UTS2: variants seen among roughly 807,000 people sequenced by gnomAD.
UTS2 encodes urotensin-2.
UTS2 carries 10 observed loss-of-function variants against 12.6 expected under a neutral mutation model. The observed-to-expected ratio is 0.80, with a 90% confidence interval of 0.49 to 1.35. The LOEUF is 1.35. Ranked by LOEUF, UTS2 falls within the 40% of genes most tolerant of loss-of-function variation. The pLI is 0.00. For synonymous variants in UTS2, 52 were observed against 50.0 expected (o/e 1.04, Z -0.17); for missense variants, 142 against 143.2 (o/e 0.99, Z 0.04).
chr1:7,872,352 A>G, the UTS2 span, among the ~76,000 whole-genome samples: 2 of 149,726 alleles, frequency 1.3e-5, no homozygotes, highest in African/African-American at 4.9e-5. Context: ...GAAAAAAAAG[A>G]AAAAGAAATG....
At chr1:7,878,100 T>C in the UTS2 span, among the ~76,000 whole-genome samples, 1 of 152,176 alleles carries the variant, frequency 6.6e-6, no homozygotes, top group Admixed American at 6.5e-5. Flanking sequence ...CAGCAGGCCT[T>C]ACAGGCCAGG....
the UTS2 span, among the ~76,000 whole-genome samples, chr1:7,892,469 G>GTTT: frequency 9.6e-3 from 743 of 77,768 alleles, 12 homozygotes; most frequent in Non-Finnish European, 0.011. Context: ...CCTCATGCAT[G>GTTT]TTTTTTTTTT....
the UTS2 span, among the ~76,000 whole-genome samples, chr1:7,882,515 T>C: frequency 1.3e-5 from 2 of 152,204 alleles, no homozygotes; most frequent in Non-Finnish European, 2.9e-5. Flanking sequence ...GCAGATTTTA[T>C]GGCTAAGACC....
chr1:7,860,942 T>C, the UTS2 span, among the ~76,000 whole-genome samples: 3 of 150,000 alleles, frequency 2.0e-5, no homozygotes, highest in Non-Finnish European at 4.4e-5. Context: ...CTCGGGAGGC[T>C]GAGGTATGAG....
the UTS2 span, among the ~76,000 whole-genome samples, chr1:7,885,797 G>A: frequency 1.3e-5 from 2 of 151,500 alleles, no homozygotes; most frequent in Admixed American, 6.6e-5. Context: ...CTAGGACGAT[G>A]TGGGGCAGAG....
At chr1:7,891,831 T>G in the UTS2 span, among the ~76,000 whole-genome samples, 1 of 152,242 alleles carries the variant, frequency 6.6e-6, no homozygotes, top group Non-Finnish European at 1.5e-5. Context: ...GTTTCATTTA[T>G]GTAAACTCTA....
At chr1:7,868,557 A>G in the UTS2 span, among the ~76,000 whole-genome samples, 3 of 152,096 alleles carry the variant, frequency 2.0e-5, no homozygotes, top group Non-Finnish European at 4.4e-5. Flanking sequence ...AGCAGACACA[A>G]CCACCACAGT....
the UTS2 span, among the ~76,000 whole-genome samples, chr1:7,890,864 C>T: frequency 7.2e-6 from 1 of 138,940 alleles, no homozygotes; most frequent in African/African-American, 2.8e-5. Context: ...AAAAAAAAAC[C>T]TAACCACTCT....
chr1:7,890,989 A>G, the UTS2 span, among the ~76,000 whole-genome samples: 1 of 145,196 alleles, frequency 6.9e-6, no homozygotes, highest in East Asian at 2.0e-4. Context: ...AAAACTGGAA[A>G]CAACCCAAAT....
rs2097411918 is a variant in UTS2, at chr1:7,849,703, C to T, written c.215-20G>A. 3 of 1,602,080 alleles carry T rather than the reference C, an allele frequency of 1.9e-6. No individual in the cohort carries two copies. Among genetic ancestry groups the T allele is most frequent in the African/African-American group, 1.3e-5 (1 of 74,276 alleles). ...TTGAGTCTGAAAAACAGTTTTGAAG[C>T]CAGTTCATCAGATCTGTTGTTTCTC... On this transcript the variant is annotated intron_variant, in intron 2 of 3. Transcript: ENST00000361696.
At chr1:7,870,804 A>G in the UTS2 span, among the ~76,000 whole-genome samples, 1 of 152,232 alleles carries the variant, frequency 6.6e-6, no homozygotes, top group Non-Finnish European at 1.5e-5. Context: ...TCCATTGTCA[A>G]CATTCTCTAG....
At chr1:7,893,327 C>T in the UTS2 span, among the ~76,000 whole-genome samples, 1 of 152,020 alleles carries the variant, frequency 6.6e-6, no homozygotes, top group Admixed American at 6.6e-5. Context: ...TGTGGTGAAA[C>T]CCCATCTCTA....
At chr1:7,911,911 A>AG in the UTS2 span, among the ~76,000 whole-genome samples, 1 of 151,956 alleles carries the variant, frequency 6.6e-6, no homozygotes, top group Non-Finnish European at 1.5e-5. Flanking sequence ...AAAAAAAAAA[A>AG]AAAAAATCAG....
At chr1:7,862,977 T>TG in the UTS2 span, among the ~76,000 whole-genome samples, 3 of 74,406 alleles carry the variant, frequency 4.0e-5, no homozygotes, top group African/African-American at 1.8e-4. Flanking sequence ...ACGGCCGTTA[T>TG]TTATTGTGTT....
At chr1:7,853,189 T>G (rs2097415976), upstream of UTS2, 2 of 1,528,348 alleles carry the variant, frequency 1.3e-6, no homozygotes, top group Non-Finnish European at 1.8e-6. Context: ...TGCATTGATG[T>G]AATTTTTCAA....
chr1:7,853,280 A>C (rs763110511), upstream of UTS2: 69 of 1,613,728 alleles, frequency 4.3e-5, no homozygotes, highest in Non-Finnish European at 5.8e-5. Context: ...CAGTGAGTTT[A>C]TAAATCTGGC....
intron 1 of UTS2, 29 bp downstream of exon 1, chr1:7,852,872 C>G (rs371936678): frequency 5.7e-6 from 9 of 1,585,434 alleles, no homozygotes; most frequent in South Asian, 1.2e-5. Context: ...TCTTTCAAGA[C>G]TAACATAAGG....
At chr1:7,852,073 C>T (rs533860526) in intron 1 of UTS2, among the ~76,000 whole-genome samples, 1 of 151,740 alleles carries the variant, frequency 6.6e-6, no homozygotes, top group East Asian at 1.9e-4. Context: ...CAGTGCTTGA[C>T]GATCATCAGA....
intron 2 of UTS2, 138 bp from the exon 3 acceptor site, chr1:7,849,821 G>T: frequency 1.4e-6 from 1 of 707,010 alleles, no homozygotes; most frequent in Non-Finnish European, 2.2e-6. Flanking sequence ...TTTCTTGAAT[G>T]CAGACAGACA....
Sources: allele counts gnomAD v4.1 joint callset (sites outside exome capture counted in the v4.1 genomes callset), GRCh38; gene constraint gnomAD v4.1.1; transcripts MANE v1.5; gene names NCBI Gene and HGNC (gene_info 2026-07-23, HGNC 2026-07-21).